B4GALT6: variants seen among roughly 807,000 people sequenced by gnomAD.
The protein encoded by B4GALT6 is UDP-Gal:beta-GlcNAc beta-1,4-galactosyltransferase 6.
B4GALT6 carries 14 observed loss-of-function variants against 46.3 expected under a neutral mutation model. The observed-to-expected ratio is 0.30, with a 90% CI of 0.20 to 0.47. The LOEUF is 0.47. Among genes scored for constraint, B4GALT6 ranks in the 20% least tolerant of loss-of-function variants. B4GALT6 has a pLI of 0.99. For synonymous variants in B4GALT6, 168 were observed against 162.0 expected, an observed-to-expected ratio of 1.04 and a Z score of -0.28; for missense variants, 386 against 480.1, an observed-to-expected ratio of 0.80 and a Z score of 1.83.
the B4GALT6 span, among the ~76,000 whole-genome samples, chr18:31,711,957 T>C: frequency 6.6e-6 from 1 of 152,012 alleles, no homozygotes; most frequent in African/African-American, 2.4e-5. Flanking sequence ...CTCCTGCCTC[T>C]CCCCAACTGG....
At chr18:31,718,878 TAA>T in the B4GALT6 span, 25 of 152,208 alleles carry the variant, frequency 1.6e-4, no homozygotes, top group African/African-American at 4.6e-4. Context: ...CCAAGATAGA[TAA>T]AAGTTTTTTG....
At chr18:31,709,230 A>T in the B4GALT6 span, among the ~76,000 whole-genome samples, 12 of 145,176 alleles carry the variant, frequency 8.3e-5, no homozygotes, top group South Asian at 1.9e-3. Context: ...AAATTTATGT[A>T]TTTTTTTTTT....
chr18:31,690,082 T>G (rs2030059701), upstream of B4GALT6, among the ~76,000 whole-genome samples: 1 of 152,182 alleles, frequency 6.6e-6, no homozygotes, highest in Non-Finnish European at 1.5e-5. Context: ...ATTAACTTAT[T>G]ATGGCCAAAA....
chr18:31,645,611 C>A (rs781424223), intron 3 of B4GALT6, 132 bp from the exon 4 acceptor site: 5 of 788,376 alleles, frequency 6.3e-6, no homozygotes, highest in Middle Eastern at 3.5e-4. Context: ...GTTACCACCA[C>A]AAAATTATGA....
rs554199813 is a variant in B4GALT6, at chr18:31,675,472, T to C, written c.115+8840A>G. On this transcript the variant is annotated intron_variant, in intron 1 of 8. Coordinates refer to ENST00000306851, the MANE Select transcript of B4GALT6 (RefSeq NM_004775.5). ...TTAGTTCAGCCTACTTTAACCCTAG[T>C]TGATAATTCAAAAAGTAGACTCTGA... Among the ~76,000 whole-genome samples, 6 of 152,362 alleles carry C rather than the reference T, an allele frequency of 3.9e-5. No homozygotes were observed. The East Asian group carries it at 7.7e-4, about 20-fold the overall frequency.
At chr18:31,723,998 C>A in the B4GALT6 span, among the ~76,000 whole-genome samples, 2 of 151,584 alleles carry the variant, frequency 1.3e-5, no homozygotes, top group Admixed American at 1.3e-4. Context: ...GTCTTGGGAC[C>A]GCAGACCCCG....
chr18:31,638,294 G>A (rs1256679600), intron 5 of B4GALT6, among the ~76,000 whole-genome samples: 4 of 152,082 alleles, frequency 2.6e-5, no homozygotes, highest in Non-Finnish European at 2.9e-5. Context: ...TTAGGAGGCC[G>A]AGGGGGGTGG....
intron 4 of B4GALT6, among the ~76,000 whole-genome samples, chr18:31,639,122 G>A (rs1262250253): frequency 6.6e-6 from 1 of 152,166 alleles, no homozygotes; most frequent in Non-Finnish European, 1.5e-5. Context: ...AGCTAGTTAG[G>A]CAATTAGTAC....
intron 1 of B4GALT6, among the ~76,000 whole-genome samples, chr18:31,679,166 A>G (rs9961608): frequency 0.028 from 4,312 of 152,304 alleles, 218 homozygotes; most frequent in African/African-American, 0.098. Flanking sequence ...ACTGCTGCAG[A>G]AAAAAACACA....
At chr18:31,632,251 G>T (rs2073800359) in intron 5 of B4GALT6, among the ~76,000 whole-genome samples, 1 of 152,100 alleles carries the variant, frequency 6.6e-6, no homozygotes, top group Non-Finnish European at 1.5e-5. Context: ...TGAGGTAATA[G>T]AAGTCATTTT....
chr18:31,662,300 C>T (rs1238295344), intron 2 of B4GALT6, among the ~76,000 whole-genome samples: 7 of 152,188 alleles, frequency 4.6e-5, no homozygotes, highest in Non-Finnish European at 8.8e-5. Flanking sequence ...CTTAGAGAAA[C>T]ACCTCCACAC....
chr18:31,681,259 T>C (rs2074476698), intron 1 of B4GALT6, among the ~76,000 whole-genome samples: 3 of 152,230 alleles, frequency 2.0e-5, no homozygotes, highest in Admixed American at 6.5e-5. Context: ...TGCAATTCTG[T>C]TCTCAATCCA....
chr18:31,630,429 T>TA (rs397700899), intron 6 of B4GALT6, among the ~76,000 whole-genome samples: 6 of 150,630 alleles, frequency 4.0e-5, no homozygotes, highest in African/African-American at 7.3e-5. Context: ...TTTTTTTTTT[T>TA]ATTATTAAAG....
At chr18:31,666,401 C>T (rs1401921804) in intron 1 of B4GALT6, 29 bp from the exon 2 acceptor site, 4 of 1,111,400 alleles carry the variant, frequency 3.6e-6, no homozygotes, top group East Asian at 2.5e-5. Flanking sequence ...GAAAGAATGT[C>T]ATAACACAGT....
chr18:31,707,026 A>G, the B4GALT6 span, among the ~76,000 whole-genome samples: 1 of 152,176 alleles, frequency 6.6e-6, no homozygotes, highest in African/African-American at 2.4e-5. Context: ...AGGAAACGAC[A>G]CAGAGAAACA....
At chr18:31,694,557 T>C in the B4GALT6 span, among the ~76,000 whole-genome samples, 4 of 152,182 alleles carry the variant, frequency 2.6e-5, no homozygotes, top group Non-Finnish European at 4.4e-5. Flanking sequence ...GGAGAGGCCA[T>C]GAAGTGACTT....
intron 2 of B4GALT6, among the ~76,000 whole-genome samples, chr18:31,662,603 G>A (rs764408971): frequency 1.3e-5 from 2 of 152,176 alleles, no homozygotes; most frequent in African/African-American, 4.8e-5. Flanking sequence ...AGCACTTTGG[G>A]AGGCCAAAAG....
chr18:31,635,678 C>T (rs916025380), intron 5 of B4GALT6, among the ~76,000 whole-genome samples: 3 of 152,036 alleles, frequency 2.0e-5, no homozygotes, highest in African/African-American at 7.2e-5. Flanking sequence ...ATAAGCCAGG[C>T]ATGATGGTGG....
rs1333818169 is a variant in B4GALT6 at position 31,684,329 on chromosome 18, T to C, written c.98A>G (p.Tyr33Cys). Reference sequence around the variant, plus strand: ...GTGCTTACCGATGCCTGGGGCCACATAGATGAAGTACAGACAGGACGAAGA... The same window carrying C: ...GTGCTTACCGATGCCTGGGGCCACACAGATGAAGTACAGACAGGACGAAGA... The part of the protein sequence containing the change: ...SLSSSCLYFI[Y>C]VAPGIANTYL... The change falls in exon 1 of 9, where the codon TAT becomes TGT. Residue 33 changes from tyrosine to cysteine, a missense_variant. By Grantham distance (194) the Tyr-to-Cys change is radical. Around this residue, in one of 2 missense-constraint regions of B4GALT6, gnomAD observed 63 missense variants for 41.3 expected, o/e 1.53. Transcript: ENST00000306851. 5 of 1,612,866 alleles carry C rather than the reference T, an allele frequency of 3.1e-6. No homozygotes were observed. Among genetic ancestry groups the C allele is most frequent in the Admixed American group, 1.7e-5 (1 of 59,968 alleles).
Sources: gnomAD v4.1 joint callset for allele counts (sites outside exome capture counted in the v4.1 genomes callset) on GRCh38, gnomAD v4.1.1 for gene constraint, gnomAD v4.1.1 regional missense constraint, MANE v1.5 for transcripts, NCBI Gene and HGNC (gene_info 2026-07-23, HGNC 2026-07-21) for gene names.